SAXO2: variants seen among roughly 807,000 people sequenced by gnomAD.
The protein encoded by SAXO2 is stabilizer of axonemal microtubules 2.
Under a neutral mutation model 18.7 loss-of-function variants are expected in SAXO2, and 17 were observed. The observed-to-expected ratio is 0.91, with a 90% CI of 0.62 to 1.36. SAXO2 has a LOEUF of 1.36. SAXO2 is among the 40% of genes most tolerant of loss of function. The pLI is 0.00. For missense variants in SAXO2, 486 were observed against 562.6 expected, an observed-to-expected ratio of 0.86 and a Z score of 1.38; for synonymous variants, 163 against 181.2, an observed-to-expected ratio of 0.90 and a Z score of 0.81.
Position 82,283,924 on chromosome 15 carries a change from C to G in SAXO2, c.*862C>G, listed in dbSNP as rs1329008868. 1 of 152,272 alleles carries G rather than the reference C, an allele frequency of 6.6e-6. No homozygotes were observed. The highest frequency in any genetic ancestry group is 2.4e-5 in the African/African-American group (1 of 41,440). 9.4% of individuals were successfully genotyped at this position (152,272 alleles called of 1,614,324 possible). ...AGGCTGCTATTGAATCCCACCTTGG[C>G]TTCCCAAAGCACTGGGATTACAGGC... On this transcript the variant is annotated 3_prime_UTR_variant, in exon 4 of 4. Coordinates refer to ENST00000682753, the MANE Select transcript of SAXO2 (RefSeq NM_001348699.2).
intron 3 of SAXO2, among the ~76,000 whole-genome samples, chr15:82,278,214 A>C (rs1385094962): frequency 6.6e-6 from 1 of 152,220 alleles, no homozygotes; most frequent in Non-Finnish European, 1.5e-5. Flanking sequence ...AAAGAACAGG[A>C]AACTGTCTTG....
intron 2 of SAXO2, 117 bp from the exon 3 acceptor site, chr15:82,271,486 T>C: frequency 1.2e-6 from 1 of 843,786 alleles, no homozygotes; most frequent in Non-Finnish European, 1.8e-6. Context: ...CATTTTAATA[T>C]CTTCTCAGAC....
chr15:82,280,471 A>G (rs1009810002), intron 3 of SAXO2, among the ~76,000 whole-genome samples: 1 of 152,126 alleles, frequency 6.6e-6, no homozygotes, highest in Non-Finnish European at 1.5e-5. Context: ...TGCAAAGAAG[A>G]GAGATTCCCT....
At chr15:82,269,258 G>A (rs2075248071) in intron 2 of SAXO2, among the ~76,000 whole-genome samples, 3 of 152,118 alleles carry the variant, frequency 2.0e-5, no homozygotes. Flanking sequence ...ACAGGCACAG[G>A]TACCTTGACA....
chr15:82,263,165 A>G (rs2075155538), intron 1 of SAXO2: 4 of 1,452,968 alleles, frequency 2.8e-6, no homozygotes, highest in Admixed American at 2.8e-5. Context: ...TCAAGGATGC[A>G]AAGTAAAATG....
rs540469331 is a variant in SAXO2 at position 82,263,225 on chromosome 15, G to A, written c.53+293G>A. ...ATGTGAAGCCGCGACGGGATATAAC[G>A]CTGGTGAGTAGTGGGATGTGATCCG... On this transcript the variant is annotated intron_variant, in intron 1 of 3. Coordinates refer to ENST00000682753, the MANE Select transcript of SAXO2 (RefSeq NM_001348699.2). 4.9e-5 allele frequency: 72 copies of A among 1,464,698 alleles called. No homozygotes were observed. The South Asian group carries it at 9.1e-4, about 18-fold the overall frequency. The allele number at this position is 1,464,698 out of a possible 1,614,324, so 90.7% of individuals were successfully genotyped here. A position where few individuals can be genotyped will look rare whatever the true frequency, so the allele number is the denominator to read the frequency against.
At position 82,282,118 on chromosome 15, in the gene SAXO2, G is replaced by A. The variant is rs2075366135; in HGVS notation, c.434-1G>A. 3 of 1,565,594 alleles carry A rather than the reference G, an allele frequency of 1.9e-6. No individual in the cohort carries two copies. Among genetic ancestry groups the A allele is most frequent in the Non-Finnish European group, 2.6e-6 (3 of 1,160,360 alleles). On this transcript the variant is annotated splice_acceptor_variant, in intron 3 of 3. Transcript: ENST00000682753. LOFTEE classifies it high-confidence loss of function. ...GTTTTTGCTTTGTTTTAATTTTCAA[G>A]ACGATTATAGAGCTTGGGACCTTCA...
At chr15:82,271,891 G>A in intron 3 of SAXO2, 89 bp downstream of exon 3, 1 of 1,158,962 alleles carries the variant, frequency 8.6e-7, no homozygotes, top group Non-Finnish European at 1.2e-6. Context: ...ACTTTGGTGT[G>A]CTGCCAAACT....
chr15:82,263,180 C>A, intron 1 of SAXO2: 1 of 1,450,676 alleles, frequency 6.9e-7, no homozygotes, highest in Non-Finnish European at 9.0e-7. Flanking sequence ...AAAATGCCAC[C>A]CGGGCCAGGT....
intron 3 of SAXO2, among the ~76,000 whole-genome samples, chr15:82,277,259 C>T (rs537720913): frequency 6.6e-6 from 1 of 152,212 alleles, no homozygotes; most frequent in South Asian, 2.1e-4. Flanking sequence ...AATAGCAATA[C>T]AATCAACTTA....
intron 3 of SAXO2, among the ~76,000 whole-genome samples, chr15:82,273,644 A>G (rs2075291020): frequency 6.6e-6 from 1 of 151,202 alleles, no homozygotes; most frequent in South Asian, 2.1e-4. Flanking sequence ...AATGTAGCAT[A>G]GAGTAATTGC....
rs1299438158 is a variant in SAXO2 at position 82,283,828 on chromosome 15, C to G, written c.*766C>G. ...TACAAGGGTGTGCCACCACACCTGGCTATTTTTTTTAAACATACTTTGTAG... is the reference window on the plus strand; with the variant it reads ...TACAAGGGTGTGCCACCACACCTGGGTATTTTTTTTAAACATACTTTGTAG... On this transcript the variant is annotated 3_prime_UTR_variant, in exon 4 of 4. Transcript: ENST00000682753. 1.3e-5 allele frequency: 2 copies of G among 152,188 alleles called. No individual in the cohort carries two copies. The highest frequency in any genetic ancestry group is 6.5e-5 in the Admixed American group (1 of 15,272). The allele number at this position is 152,188 out of a possible 1,614,324, so 9.4% of individuals were successfully genotyped here. A position where few individuals can be genotyped will look rare whatever the true frequency, so the allele number is the denominator to read the frequency against.
rs1197230657 is a variant in SAXO2, at chr15:82,283,039, A to G, written c.1354A>G (p.Ile452Val). ...AGGTCATAAATTCTTCCGCAAGATT[A>G]TTCCTGCAGTGAAGGCCTTCTAATA... Reference protein sequence around the residue: ...SQGHKFFRKIIPAVKAF With the variant: ...SQGHKFFRKIVPAVKAF The change falls in exon 4 of 4, where the codon ATT becomes GTT. Residue 452 changes from isoleucine to valine, a missense_variant. Ile to Val is a conservative substitution (Grantham distance 29, BLOSUM62 3). Transcript: ENST00000682753. 6.2e-7 allele frequency: 1 copy of G among 1,612,426 alleles called. No homozygotes were observed. The highest frequency in any genetic ancestry group is 8.5e-7 in the Non-Finnish European group (1 of 1,179,318).
At position 82,271,957 on chromosome 15, in the gene SAXO2, A is replaced by G; in HGVS notation, c.433+155A>G. 2 of 606,600 alleles carry G rather than the reference A, an allele frequency of 3.3e-6. No individual in the cohort carries two copies. The highest frequency in any genetic ancestry group is 2.5e-5 in the South Asian group (1 of 39,324). 37.6% of individuals were successfully genotyped at this position (606,600 alleles called of 1,614,324 possible). Reference sequence around the variant, plus strand: ...TCTCTTTGGCAAAATAGTATTGTATAGTAACAAAAGAAAATAGGCCATTTG... The same window carrying G: ...TCTCTTTGGCAAAATAGTATTGTATGGTAACAAAAGAAAATAGGCCATTTG... On this transcript the variant is annotated intron_variant, in intron 3 of 3. Transcript: ENST00000682753.
intron 1 of SAXO2, chr15:82,264,553 C>T (rs1172441800): frequency 1.1e-5 from 7 of 658,702 alleles, no homozygotes; most frequent in Admixed American, 2.3e-5. Flanking sequence ...TTGTGGATAA[C>T]GTAATCTCCT....
intron 1 of SAXO2, among the ~76,000 whole-genome samples, chr15:82,265,054 G>A (rs1366213040): frequency 1.3e-5 from 2 of 152,326 alleles, no homozygotes; most frequent in African/African-American, 2.4e-5. Context: ...ACACTTAATT[G>A]CTGTGCTTCC....
chr15:82,267,796 A>G (rs2075233534), intron 2 of SAXO2, among the ~76,000 whole-genome samples: 1 of 152,114 alleles, frequency 6.6e-6, no homozygotes, highest in South Asian at 2.1e-4. Flanking sequence ...TAGTCCTCAG[A>G]TTTTGGTATG....
chr15:82,273,523 G>A (rs909332009), intron 3 of SAXO2, among the ~76,000 whole-genome samples: 1 of 152,114 alleles, frequency 6.6e-6, no homozygotes, highest in Non-Finnish European at 1.5e-5. Flanking sequence ...TACCTATTAG[G>A]GAGGTCAAGA....
intron 2 of SAXO2, among the ~76,000 whole-genome samples, chr15:82,266,501 A>C (rs997692797): frequency 1.6e-4 from 25 of 152,078 alleles, no homozygotes; most frequent in African/African-American, 6.0e-4. Context: ...TCTCTAATTC[A>C]TTTTCACTGT....
Sources: allele counts gnomAD v4.1 joint callset (sites outside exome capture counted in the v4.1 genomes callset), GRCh38; gene constraint gnomAD v4.1.1; transcripts MANE v1.5; gene names NCBI Gene and HGNC (gene_info 2026-07-23, HGNC 2026-07-21).